The following TSR1 variants were observed in gnomAD, a reference collection of about 807,000 sequenced individuals.
TSR1 encodes pre-rRNA-processing protein TSR1 homolog.
A neutral mutation model predicts 90.9 loss-of-function variants in TSR1; 81 were observed. That is an observed-to-expected ratio of 0.89 (90% CI 0.74 to 1.07). The LOEUF (loss-of-function observed/expected upper bound fraction) is 1.07, where lower values mean the gene tolerates loss of function less well. Ranked by LOEUF, TSR1 falls within the 50% of genes least tolerant of loss-of-function variation. The probability of loss-of-function intolerance (pLI) is 0.00; values close to 1 mark genes in which losing one functional copy is unlikely to be tolerated. For synonymous variants in TSR1, 362 were observed against 348.8 expected, an observed-to-expected ratio of 1.04 and a Z score of -0.42; for missense variants, 989 against 987.3, an observed-to-expected ratio of 1.00 and a Z score of -0.02.
chr17:2,331,378 T>G (rs540543324), intron 8 of TSR1, among the ~76,000 whole-genome samples: 1 of 152,318 alleles, frequency 6.6e-6, no homozygotes, highest in Non-Finnish European at 1.5e-5. Context: ...AATCTCATAC[T>G]GAAATACAAT....
intron 5 of TSR1, among the ~76,000 whole-genome samples, chr17:2,334,167 T>C (rs413016): frequency 0.76 from 116,310 of 152,118 alleles, 44,680 homozygotes; most frequent in East Asian, 0.82. Context: ...TGGTCCGCAC[T>C]CTAACCATAT....
chr17:2,335,536 C>G lies in TSR1; in HGVS notation c.396G>C (p.Arg132=). The change falls in exon 3 of 15, where the codon CGG becomes CGC. Residue 132 remains arginine, a synonymous_variant. Transcript: ENST00000301364. ...CTGGCCTTGCTGAGGTGAAAAACCA[C>G]CGATGTTTCAAGCGGGGGCACAGCA... ...FMLLCPRLKH[R]WFFTSARPGD... The G allele has an allele frequency of 1.9e-6, 3 of 1,614,070 alleles. No homozygotes were observed. The African/African-American group carries it at 4.0e-5, about 22-fold the overall frequency.
intron 10 of TSR1, chr17:2,330,178 C>CA (rs1247161559): frequency 4.4e-6 from 2 of 459,506 alleles, no homozygotes; most frequent in Admixed American, 2.3e-5. Context: ...CTTGGCCTCC[C>CA]AAAAAGTGCT....
intron 2 of TSR1, 81 bp downstream of exon 2, chr17:2,335,956 C>T (rs1597281611): frequency 1.4e-6 from 2 of 1,454,588 alleles, no homozygotes; most frequent in Non-Finnish European, 1.9e-6. Flanking sequence ...GACCCTCCTC[C>T]CGGTCTCATT....
At chr17:2,335,156 T>A in intron 4 of TSR1, 104 bp downstream of exon 4, 1 of 1,298,878 alleles carries the variant, frequency 7.7e-7, no homozygotes, top group Non-Finnish European at 1.1e-6. Flanking sequence ...TATGTGTACA[T>A]CCCACCACCA....
intron 2 of TSR1, 107 bp downstream of exon 2, chr17:2,335,930 C>T: frequency 7.6e-7 from 1 of 1,321,792 alleles, no homozygotes; most frequent in Non-Finnish European, 1.1e-6. Context: ...TGCTCTAGGG[C>T]TATGCTCTGT....
chr17:2,332,367 A>G lies in TSR1; in HGVS notation c.1306-8T>C, dbSNP rs765429464. 36 of 1,581,400 alleles carry G rather than the reference A, an allele frequency of 2.3e-5. No individual in the cohort carries two copies. In the South Asian group the frequency reaches 3.9e-4, roughly 17 times the overall value. On this transcript the variant is annotated splice_polypyrimidine_tract_variant and splice_region_variant and intron_variant, in intron 7 of 14. Transcript: ENST00000301364. ...TTCTTCACTACTCTCATCCTGTAGA[A>G]TAGGATTACAGTTTTTTCAGAAGAA...
chr17:2,323,203 A>G lies in TSR1; in HGVS notation c.*993T>C. 6.2e-7 allele frequency: 1 copy of G among 1,614,242 alleles called. No homozygotes were observed. Among genetic ancestry groups the G allele is most frequent in the Non-Finnish European group, 8.5e-7 (1 of 1,180,036 alleles). ...AATGCAGATGACTGCTACCAGTCCA[A>G]GCTGAAGGGGAAACTGATGCCCAAT... On this transcript the variant is annotated 3_prime_UTR_variant, in exon 15 of 15. Transcript: ENST00000301364.
chr17:2,330,374 T>C, intron 10 of TSR1, 141 bp downstream of exon 10: 2 of 787,202 alleles, frequency 2.5e-6, no homozygotes, highest in East Asian at 2.5e-5. Flanking sequence ...TTCTCTATTA[T>C]TCTCCAATTC....
intron 8 of TSR1, 69 bp from the exon 9 acceptor site, chr17:2,331,178 G>A: frequency 7.8e-7 from 1 of 1,277,788 alleles, no homozygotes; most frequent in Non-Finnish European, 1.0e-6. Context: ...TCAAGTCACT[G>A]CTAAAATGGC....
rs1227254894 is a variant in TSR1, at chr17:2,323,794, G to A, written c.*402C>T. 1 of 1,614,078 alleles carries A rather than the reference G, an allele frequency of 6.2e-7. No homozygotes were observed. Among genetic ancestry groups the A allele is most frequent in the East Asian group, 2.2e-5 (1 of 44,896 alleles). ...AACATTTGTATTGTGCTCAGTGGTG[G>A]AAATGTAGACTTAACCTCCTCCATA... On this transcript the variant is annotated 3_prime_UTR_variant, in exon 15 of 15. Coordinates refer to ENST00000301364, the MANE Select transcript of TSR1 (RefSeq NM_018128.5).
chr17:2,334,923 T>C (rs758266935), intron 4 of TSR1, 27 bp from the exon 5 acceptor site: 1 of 1,588,962 alleles, frequency 6.3e-7, no homozygotes, highest in Non-Finnish European at 8.5e-7. Flanking sequence ...AAACGCTTCA[T>C]GACCTACTGC....
chr17:2,325,210 TAC>T, intron 12 of TSR1, 92 bp downstream of exon 12: 1 of 897,048 alleles, frequency 1.1e-6, no homozygotes, highest in Admixed American at 2.5e-5. Flanking sequence ...ACCTTCTCCA[TAC>T]CATTTGGCTC....
chr17:2,330,896 G>T (rs777181168), intron 9 of TSR1, 51 bp downstream of exon 9: 1 of 1,528,396 alleles, frequency 6.5e-7, no homozygotes, highest in Non-Finnish European at 8.8e-7. Flanking sequence ...AAAGTAGGGA[G>T]CATGTTGACA....
chr17:2,330,875 A>G, intron 9 of TSR1, 72 bp downstream of exon 9: 2 of 1,503,216 alleles, frequency 1.3e-6, no homozygotes, highest in Admixed American at 2.3e-5. Flanking sequence ...TTTCATGCCA[A>G]GAGAAGGAAT....
At chr17:2,329,246 TG>T (rs1353552927) in intron 11 of TSR1, 96 bp downstream of exon 11, 3 of 1,544,930 alleles carry the variant, frequency 1.9e-6, no homozygotes, top group Non-Finnish European at 2.7e-6. Flanking sequence ...AACCCAGAGA[TG>T]TAAGATTTTG....
chr17:2,326,591 G>A (rs1158754352), intron 11 of TSR1, among the ~76,000 whole-genome samples: 6 of 151,688 alleles, frequency 4.0e-5, no homozygotes, highest in African/African-American at 1.5e-4. Flanking sequence ...TGCTATCTAG[G>A]CTAGACTGTA....
chr17:2,328,427 T>C (rs1011842729), intron 11 of TSR1, among the ~76,000 whole-genome samples: 4 of 151,030 alleles, frequency 2.6e-5, no homozygotes, highest in African/African-American at 9.8e-5. Context: ...CTACTAAAAA[T>C]ACAAAAATTA....
At position 2,323,424 on chromosome 17, in the gene TSR1, A is replaced by G. The variant is rs1216603937; in HGVS notation, c.*772T>C. 1 of 1,537,944 alleles carries G rather than the reference A, an allele frequency of 6.5e-7. No individual in the cohort carries two copies. Among genetic ancestry groups the G allele is most frequent in the Non-Finnish European group, 8.9e-7 (1 of 1,117,736 alleles). On this transcript the variant is annotated 3_prime_UTR_variant, in exon 15 of 15. Coordinates refer to ENST00000301364, the MANE Select transcript of TSR1 (RefSeq NM_018128.5). ...GAAGAAACTTCCCTTAGGAGTAGCA[A>G]GTGACCCACGGGAACCTGACTAGGT...
Sources: gnomAD v4.1 joint callset for allele counts (sites outside exome capture counted in the v4.1 genomes callset) on GRCh38, gnomAD v4.1.1 for gene constraint, MANE v1.5 for transcripts, NCBI Gene and HGNC (gene_info 2026-07-23, HGNC 2026-07-21) for gene names.